The following EXOC6 variants were observed in gnomAD, a reference collection of about 807,000 sequenced individuals.
EXOC6 encodes exocyst complex component 6.
A neutral mutation model predicts 112.5 loss-of-function variants in EXOC6; 60 were observed. The ratio of observed to expected loss-of-function variants is 0.53; its 90% CI spans 0.43 to 0.66. EXOC6 has a LOEUF of 0.66. Among genes scored for constraint, EXOC6 ranks in the 30% least tolerant of loss-of-function variants. The pLI is 0.00. For missense variants in EXOC6, 855 were observed against 957.1 expected (o/e 0.89, Z 1.41); for synonymous variants, 295 against 308.0 (o/e 0.96, Z 0.44).
chr10:92,878,683 G>A (rs752701239), intron 1 of EXOC6, among the ~76,000 whole-genome samples: 1 of 152,082 alleles, frequency 6.6e-6, no homozygotes, highest in Non-Finnish European at 1.5e-5. Flanking sequence ...TGCGATAATT[G>A]TCAAACTGTC....
intron 15 of EXOC6, among the ~76,000 whole-genome samples, chr10:92,953,685 TG>T (rs1853541327): frequency 6.6e-6 from 1 of 152,216 alleles, no homozygotes; most frequent in Admixed American, 6.5e-5. Context: ...ACAGTTTAAC[TG>T]TTGTGATAAT....
chr10:92,917,903 G>A (rs1302789226), intron 7 of EXOC6, among the ~76,000 whole-genome samples: 1 of 152,194 alleles, frequency 6.6e-6, no homozygotes, highest in East Asian at 1.9e-4. Context: ...TGTGATGCTA[G>A]CACTTTGGGA....
At chr10:92,975,425 G>A (rs1372253436) in intron 18 of EXOC6, among the ~76,000 whole-genome samples, 5 of 151,090 alleles carry the variant, frequency 3.3e-5, no homozygotes, top group Non-Finnish European at 7.4e-5. Flanking sequence ...ACCCCGTCTG[G>A]GAAGTGAGGA....
At chr10:93,043,703 C>G (rs548529934) in intron 20 of EXOC6, among the ~76,000 whole-genome samples, 1 of 152,322 alleles carries the variant, frequency 6.6e-6, no homozygotes, top group East Asian at 1.9e-4. Context: ...TTTTTGTACT[C>G]TCATAGTGCA....
rs868077638 is a variant in EXOC6 at position 92,909,491 on chromosome 10, T to C, written c.523T>C (p.Tyr175His). The change falls in exon 6 of 22, where the codon TAC (tyrosine) becomes CAC (histidine). Residue 175 changes from tyrosine to histidine, a missense_variant. By Grantham distance (83) the Tyr-to-His change is moderately conservative. Coordinates refer to ENST00000260762, the MANE Select transcript of EXOC6 (RefSeq NM_019053.6). ...ENVYFPWVSQ[Y>H]RFCQLMIENL... ...TGTGTACTTTCCCTGGGTTAGTCAA[T>C]ACCGGTTTTGTCAGCTCATGATAGA... 1.2e-6 allele frequency: 2 copies of C among 1,613,708 alleles called. No homozygotes were observed. The highest frequency in any genetic ancestry group is 2.2e-5 in the South Asian group (2 of 91,064).
intron 1 of EXOC6, among the ~76,000 whole-genome samples, chr10:92,863,380 A>G (rs1308962937): frequency 1.3e-5 from 2 of 152,192 alleles, no homozygotes; most frequent in Non-Finnish European, 2.9e-5. Flanking sequence ...CATCCAACAA[A>G]CCTAATAGTT....
chr10:92,894,703 C>T (rs1169792984), intron 2 of EXOC6, 91 bp from the exon 3 acceptor site: 3 of 972,372 alleles, frequency 3.1e-6, no homozygotes, highest in African/African-American at 1.6e-5. Context: ...CTAAGTTTCT[C>T]ATGAAGCATG....
At chr10:92,929,596 GAA>G (rs1851915538) in intron 9 of EXOC6, among the ~76,000 whole-genome samples, 1 of 152,068 alleles carries the variant, frequency 6.6e-6, no homozygotes, top group South Asian at 2.1e-4. Flanking sequence ...TATATTTAAA[GAA>G]ATAAAAGCCA....
intron 13 of EXOC6, among the ~76,000 whole-genome samples, chr10:92,942,497 A>G (rs1201989207): frequency 6.6e-6 from 1 of 152,190 alleles, no homozygotes; most frequent in Non-Finnish European, 1.5e-5. Flanking sequence ...TACATTCTTC[A>G]GGAGTGATAT....
intron 19 of EXOC6, among the ~76,000 whole-genome samples, chr10:93,010,219 A>T (rs1019040123): frequency 3.3e-5 from 5 of 152,224 alleles, no homozygotes; most frequent in African/African-American, 1.2e-4. Context: ...AAAATTTGAG[A>T]AAAAGCCCTG....
At chr10:92,919,415 A>C (rs1396922282) in intron 7 of EXOC6, among the ~76,000 whole-genome samples, 1 of 152,202 alleles carries the variant, frequency 6.6e-6, no homozygotes, top group East Asian at 1.9e-4. Flanking sequence ...ATAGTACTAC[A>C]TTTCATCAAT....
At chr10:92,888,539 C>T (rs968744857) in intron 1 of EXOC6, among the ~76,000 whole-genome samples, 3 of 152,174 alleles carry the variant, frequency 2.0e-5, no homozygotes, top group Non-Finnish European at 4.4e-5. Flanking sequence ...CAAATCCTCC[C>T]TTGAAGGGAC....
intron 1 of EXOC6, among the ~76,000 whole-genome samples, chr10:92,858,250 A>G (rs1847723020): frequency 6.6e-6 from 1 of 152,080 alleles, no homozygotes; most frequent in Non-Finnish European, 1.5e-5. Flanking sequence ...CTTCTTAGAT[A>G]TGTAGGTTAA....
intron 5 of EXOC6, chr10:92,899,909 T>C: frequency 5.6e-6 from 2 of 358,356 alleles, no homozygotes; most frequent in East Asian, 5.2e-5. Context: ...AAATATTGAT[T>C]AGCTTACCAA....
chr10:92,888,045 AGCCT>A (rs1336696143), intron 1 of EXOC6, among the ~76,000 whole-genome samples: 1 of 152,198 alleles, frequency 6.6e-6, no homozygotes. Flanking sequence ...GAGTTGGGAC[AGCCT>A]GAGACTTTGT....
At chr10:92,880,294 G>A (rs540529721) in intron 1 of EXOC6, among the ~76,000 whole-genome samples, 24 of 152,236 alleles carry the variant, frequency 1.6e-4, no homozygotes, top group South Asian at 6.2e-4. Context: ...ATTGGATAGG[G>A]AATAATGGCA....
chr10:92,991,661 T>C (rs1052157717), intron 18 of EXOC6, among the ~76,000 whole-genome samples: 2 of 152,146 alleles, frequency 1.3e-5, no homozygotes, highest in African/African-American at 4.8e-5. Context: ...CCATGTATTA[T>C]GCAGTCCTGT....
intron 20 of EXOC6, among the ~76,000 whole-genome samples, chr10:93,033,351 CAG>C (rs1845359476): frequency 6.6e-6 from 1 of 152,170 alleles, no homozygotes; most frequent in South Asian, 2.1e-4. Flanking sequence ...CCAGCAGACT[CAG>C]AGATTTCTGC....
chr10:92,951,803 C>G (rs773695445), intron 14 of EXOC6, among the ~76,000 whole-genome samples: 5 of 152,060 alleles, frequency 3.3e-5, no homozygotes, highest in Non-Finnish European at 7.4e-5. Flanking sequence ...CTAGGAGTTA[C>G]GGAATAAACT....
Sources: gnomAD v4.1 joint callset for allele counts (sites outside exome capture counted in the v4.1 genomes callset) on GRCh38, gnomAD v4.1.1 for gene constraint, MANE v1.5 for transcripts, NCBI Gene and HGNC (gene_info 2026-07-23, HGNC 2026-07-21) for gene names.